Variants in EYS observed in about 807,000 individuals in gnomAD.
EYS encodes EGF-like photoreceptor maintenance factor.
EYS carries 250 observed loss-of-function variants against 282.1 expected under a neutral mutation model. That is an observed-to-expected ratio of 0.89 (90% CI 0.80 to 0.98). The LOEUF is 0.98. Ranked by LOEUF, EYS falls within the 50% of genes least tolerant of loss-of-function variation. EYS has a pLI of 0.00. For synonymous variants in EYS, 1,355 were observed against 1,282.9 expected (o/e 1.06, Z -1.20); for missense variants, 4,016 against 3,709.0 (o/e 1.08, Z -2.15).
chr6:63,932,616 T>C (rs1213259367), intron 35 of EYS, among the ~76,000 whole-genome samples: 2 of 152,188 alleles, frequency 1.3e-5, no homozygotes, highest in Non-Finnish European at 2.9e-5. Flanking sequence ...CTAGTTCTGA[T>C]TCTAGTAAAA....
intron 24 of EYS, among the ~76,000 whole-genome samples, chr6:64,613,663 G>C (rs1767178939): frequency 6.6e-6 from 1 of 152,074 alleles, no homozygotes; most frequent in African/African-American, 2.4e-5. Context: ...AAAACAAACT[G>C]TAATTGATGA....
At chr6:64,729,443 G>A (rs1276656817) in intron 22 of EYS, among the ~76,000 whole-genome samples, 1 of 152,196 alleles carries the variant, frequency 6.6e-6, no homozygotes, top group Admixed American at 6.5e-5. Context: ...ATGTGCTTGT[G>A]TGATTTGACT....
chr6:65,509,793 T>C (rs1766794740), intron 2 of EYS, among the ~76,000 whole-genome samples: 1 of 152,130 alleles, frequency 6.6e-6, no homozygotes, highest in African/African-American at 2.4e-5. Flanking sequence ...AAGCAATTCC[T>C]TTCTGTTTAC....
intron 35 of EYS, among the ~76,000 whole-genome samples, chr6:63,932,614 G>A (rs1764929878): frequency 6.6e-6 from 1 of 151,966 alleles, no homozygotes; most frequent in African/African-American, 2.4e-5. Context: ...TCCTAGTTCT[G>A]ATTCTAGTAA....
chr6:65,359,996 T>C (rs1764638422), intron 8 of EYS, among the ~76,000 whole-genome samples: 1 of 152,024 alleles, frequency 6.6e-6, no homozygotes, highest in Non-Finnish European at 1.5e-5. Flanking sequence ...ATCTCATCAA[T>C]TGTTACTTTA....
chr6:64,245,979 A>G (rs1346119460), intron 30 of EYS, among the ~76,000 whole-genome samples: 1 of 125,584 alleles, frequency 8.0e-6, no homozygotes, highest in Admixed American at 1.1e-4. Context: ...AGATCGCGCC[A>G]CTGCAGTCCA....
chr6:64,801,623 T>C (rs1463122256), intron 22 of EYS, among the ~76,000 whole-genome samples: 2 of 152,202 alleles, frequency 1.3e-5, no homozygotes, highest in African/African-American at 4.8e-5. Context: ...TTATGTGTTT[T>C]TGAATCCTTT....
At chr6:64,221,322 TG>T (rs142496532) in intron 31 of EYS, among the ~76,000 whole-genome samples, 2,466 of 152,250 alleles carry the variant, frequency 0.016, 50 homozygotes, top group Non-Finnish European at 0.02. Context: ...AATGGATTTA[TG>T]CCAGTATCAC....
chr6:63,752,717 G>A (rs934895428), intron 41 of EYS, among the ~76,000 whole-genome samples: 1 of 151,704 alleles, frequency 6.6e-6, no homozygotes. Context: ...GGATGGTCTC[G>A]ATCTCCTGAC....
chr6:65,643,417 C>A (rs1300961929), intron 1 of EYS, among the ~76,000 whole-genome samples: 1 of 152,204 alleles, frequency 6.6e-6, no homozygotes, highest in Non-Finnish European at 1.5e-5. Flanking sequence ...ACATGCCTAT[C>A]CCTGCTACCA....
At chr6:65,476,064 T>TA (rs958486610) in intron 5 of EYS, among the ~76,000 whole-genome samples, 11 of 151,430 alleles carry the variant, frequency 7.3e-5, no homozygotes, top group South Asian at 4.2e-4. Context: ...ACTCTCTTAT[T>TA]AAAAAAAAAT....
At chr6:64,669,575 A>T (rs1338822) in intron 22 of EYS, among the ~76,000 whole-genome samples, 90,351 of 151,982 alleles carry the variant, frequency 0.59, 27,067 homozygotes, top group South Asian at 0.68. Flanking sequence ...GTTCCTTAAG[A>T]CACAATTAAG....
At chr6:65,390,152 C>T (rs1280687344) in intron 7 of EYS, among the ~76,000 whole-genome samples, 1 of 151,272 alleles carries the variant, frequency 6.6e-6, no homozygotes, top group African/African-American at 2.4e-5. Context: ...GGGAGATGGA[C>T]TGAGGTGAAG....
chr6:65,530,092 A>G (rs1355878652), intron 2 of EYS, among the ~76,000 whole-genome samples: 1 of 152,202 alleles, frequency 6.6e-6, no homozygotes, highest in East Asian at 1.9e-4. Context: ...GTATCCTATA[A>G]TAAATCATTA....
At chr6:63,910,129 A>G (rs573261881) in intron 35 of EYS, among the ~76,000 whole-genome samples, 81 of 152,302 alleles carry the variant, frequency 5.3e-4, no homozygotes, top group African/African-American at 1.9e-3. Flanking sequence ...ACAGAAATCA[A>G]TGATTTAGAG....
rs1769696211 is a variant in EYS, at chr6:64,311,411, C to T, written c.6079-4329G>A. On this transcript the variant is annotated intron_variant, in intron 29 of 42. Coordinates refer to ENST00000503581, the MANE Select transcript of EYS (RefSeq NM_001142800.2). ...ATCTTCATTTAAAAAATTGTAGTCACGTGCTGCTGTGATTTCTCAAATATA... is the reference window on the plus strand; with the variant it reads ...ATCTTCATTTAAAAAATTGTAGTCATGTGCTGCTGTGATTTCTCAAATATA... Among the ~76,000 whole-genome samples the T allele has an allele frequency of 2.6e-5, 4 of 152,146 alleles. No individual in the cohort carries two copies. The South Asian group carries it at 8.3e-4, about 32-fold the overall frequency.
At chr6:65,065,384 A>T (rs1047287061) in intron 12 of EYS, among the ~76,000 whole-genome samples, 4 of 142,984 alleles carry the variant, frequency 2.8e-5, no homozygotes, top group Admixed American at 7.1e-5. Flanking sequence ...GAAAAAAACA[A>T]TTTTTTTTTT....
At chr6:64,271,523 T>C (rs2150357451) in intron 30 of EYS, among the ~76,000 whole-genome samples, 1 of 152,296 alleles carries the variant, frequency 6.6e-6, no homozygotes, top group East Asian at 1.9e-4. Flanking sequence ...GTTTCTTTTA[T>C]TATGAAGTTA....
At chr6:64,652,601 G>A (rs572627837) in intron 22 of EYS, among the ~76,000 whole-genome samples, 51 of 152,220 alleles carry the variant, frequency 3.4e-4, no homozygotes, top group South Asian at 3.3e-3. Flanking sequence ...AACCAGTCAC[G>A]CCATGCCTGA....
Sources: allele counts gnomAD v4.1 joint callset (sites outside exome capture counted in the v4.1 genomes callset), GRCh38; gene constraint gnomAD v4.1.1; transcripts MANE v1.5; gene names NCBI Gene and HGNC (gene_info 2026-07-23, HGNC 2026-07-21).